Variants in EPC1 observed in about 807,000 individuals in gnomAD.
The protein encoded by EPC1 is enhancer of polycomb homolog 1.
EPC1 carries 12 observed loss-of-function variants against 98.4 expected under a neutral mutation model. That is an observed-to-expected ratio of 0.12 (90% confidence interval 0.08 to 0.20). EPC1 has a LOEUF of 0.20. EPC1 is among the 10% of genes least tolerant of loss of function. The pLI, the probability that EPC1 is intolerant of heterozygous loss-of-function variation, is 1.00. For synonymous variants in EPC1, 357 were observed against 363.9 expected (o/e 0.98, Z 0.21); for missense variants, 729 against 990.5 (o/e 0.74, Z 3.54).
rs575827038 is a variant in EPC1, at chr10:32,322,026, T to G, written c.154-16095A>C. Among the ~76,000 whole-genome samples the G allele has an allele frequency of 4.0e-5, 6 of 149,758 alleles. No individual in the cohort carries two copies. The South Asian group carries it at 8.6e-4, about 21-fold the overall frequency. On this transcript the variant is annotated intron_variant, in intron 1 of 13. Transcript: ENST00000319778. ...TACAGGATTCTCCTTAGAGTACTTC[T>G]ACTTGATTTTAGCTCCTAAGACTTA...
At chr10:32,368,505 C>T (rs898483514) in intron 1 of EPC1, among the ~76,000 whole-genome samples, 1 of 152,210 alleles carries the variant, frequency 6.6e-6, no homozygotes, top group Non-Finnish European at 1.5e-5. Flanking sequence ...CCAGTCAAAA[C>T]TACCTTTTCC....
In EPC1 at chr10:32,269,000, C is replaced by A. The variant is rs561166332; in HGVS notation, c.*63G>T. On this transcript the variant is annotated 3_prime_UTR_variant, in exon 14 of 14. Transcript: ENST00000319778. ...GCTGCTTTCCATCATCCCTTGCATT[C>A]AAAATGCTACTGATGCATAGCACCT... 4 of 1,402,804 alleles carry A rather than the reference C, an allele frequency of 2.9e-6. No individual in the cohort carries two copies. The African/African-American group carries it at 4.3e-5, about 15-fold the overall frequency. The allele number at this position is 1,402,804 out of a possible 1,614,324, so 86.9% of individuals were successfully genotyped here. A position where few individuals can be genotyped will look rare whatever the true frequency, so the allele number is the denominator to read the frequency against.
At chr10:32,357,545 C>CA (rs1281124908) in intron 1 of EPC1, among the ~76,000 whole-genome samples, 5 of 152,238 alleles carry the variant, frequency 3.3e-5, no homozygotes, top group Non-Finnish European at 4.4e-5. Flanking sequence ...ACTGCAGCCT[C>CA]AAACTTCTGG....
intron 1 of EPC1, among the ~76,000 whole-genome samples, chr10:32,324,775 C>T (rs1373691991): frequency 6.6e-6 from 1 of 152,020 alleles, no homozygotes; most frequent in Non-Finnish European, 1.5e-5. Context: ...CGGCGGATCA[C>T]GAGGTCAGGA....
Position 32,346,951 on chromosome 10 carries a change from A to G in EPC1, c.-36T>C. 6.2e-7 allele frequency: 1 copy of G among 1,607,508 alleles called. No individual in the cohort carries two copies. Among genetic ancestry groups the G allele is most frequent in the Non-Finnish European group, 8.5e-7 (1 of 1,179,380 alleles). The stretch of plus-strand genomic sequence containing the variant: ...GCAGATACCTCTCCGCTCTGGGGAA[A>G]CGGCCCCGGCCAGCGGGATCATGGA... On this transcript the variant is annotated 5_prime_UTR_variant, in exon 1 of 14. Coordinates refer to ENST00000319778, the MANE Select transcript of EPC1 (RefSeq NM_001272004.3).
At chr10:32,277,933 C>G (rs1005513113) in intron 10 of EPC1, among the ~76,000 whole-genome samples, 1 of 152,146 alleles carries the variant, frequency 6.6e-6, no homozygotes, top group Non-Finnish European at 1.5e-5. Flanking sequence ...GCAGCTGGAA[C>G]AGCCTATAGT....
At chr10:32,291,025 C>T in intron 6 of EPC1, 138 bp downstream of exon 6, 1 of 707,170 alleles carries the variant, frequency 1.4e-6, no homozygotes, top group South Asian at 1.9e-5. Context: ...GATCTACCCA[C>T]CTCCGTGTCC....
At chr10:32,341,052 T>C (rs746631472) in intron 1 of EPC1, among the ~76,000 whole-genome samples, 63 of 152,334 alleles carry the variant, frequency 4.1e-4, no homozygotes, top group African/African-American at 1.3e-3. Flanking sequence ...ACACGCTCAA[T>C]TCTTTTTATT....
At chr10:32,309,231 C>G (rs1836054952) in intron 1 of EPC1, among the ~76,000 whole-genome samples, 2 of 152,026 alleles carry the variant, frequency 1.3e-5, no homozygotes, top group African/African-American at 4.8e-5. Context: ...AGGATGATGA[C>G]AACCAACAAT....
intron 9 of EPC1, 149 bp downstream of exon 9, chr10:32,286,545 G>A (rs1836688295): frequency 2.1e-6 from 2 of 945,714 alleles, no homozygotes; most frequent in Admixed American, 2.9e-5. Flanking sequence ...AGGCAGCACA[G>A]CAACAAAAAT....
intron 1 of EPC1, among the ~76,000 whole-genome samples, chr10:32,375,260 A>T (rs1396356318): frequency 6.6e-6 from 1 of 152,066 alleles, no homozygotes; most frequent in Non-Finnish European, 1.5e-5. Flanking sequence ...TCTTCTTTTA[A>T]AAAAGTTCAT....
chr10:32,366,981 T>C lies in EPC1; in HGVS notation c.3+11510A>G, dbSNP rs114071554. 9.1e-3 allele frequency among the ~76,000 whole-genome samples: 1,382 copies of C among 152,032 alleles called. 18 individuals are homozygous for C. The highest frequency in any genetic ancestry group is 0.031 in the African/African-American group (1,294 of 41,458). ...ACTAACCATCCAAACTATGTACGTA[T>C]GTATGTATGTATGTATGTATTTTTA... On this transcript the variant is annotated intron_variant, in intron 1 of 13. Coordinates refer to the EPC1 transcript ENST00000375110.
chr10:32,355,825 G>A (rs556220724), intron 1 of EPC1, among the ~76,000 whole-genome samples: 40 of 121,566 alleles, frequency 3.3e-4, no homozygotes, highest in African/African-American at 8.8e-4. Flanking sequence ...TGGCCAGGCT[G>A]GTCTTGAACT....
Position 32,346,301 on chromosome 10 carries a change from C to T in EPC1, c.153+462G>A, listed in dbSNP as rs185147086. Among the ~76,000 whole-genome samples the T allele has an allele frequency of 3.5e-3, 529 of 152,298 alleles. 3 individuals carry two copies. The highest frequency in any genetic ancestry group is 0.012 in the African/African-American group (511 of 41,558). On this transcript the variant is annotated intron_variant, in intron 1 of 13. Transcript: ENST00000319778. ...GTGCACAGAACCTGCGCTCCCGGCC[C>T]GGGCAGCGGCGCGCAGGCCGCAGTG...
At chr10:32,310,282 A>T (rs1836131563) in intron 1 of EPC1, among the ~76,000 whole-genome samples, 4 of 152,296 alleles carry the variant, frequency 2.6e-5, no homozygotes, top group Admixed American at 1.3e-4. Flanking sequence ...TAACTCTATG[A>T]CTTTGGGACT....
At chr10:32,365,958 A>AC (rs1255045229) in intron 1 of EPC1, among the ~76,000 whole-genome samples, 1 of 150,418 alleles carries the variant, frequency 6.6e-6, no homozygotes, top group Non-Finnish European at 1.5e-5. Context: ...ACATGGTGAA[A>AC]CCCCGTCTCT....
At chr10:32,360,499 G>GCC (rs1260495438) in intron 1 of EPC1, among the ~76,000 whole-genome samples, 9 of 152,184 alleles carry the variant, frequency 5.9e-5, no homozygotes, top group African/African-American at 2.2e-4. Context: ...AGTGTAGTGA[G>GCC]ACACAGCAGG....
chr10:32,315,887 C>T (rs1242543005), intron 1 of EPC1, among the ~76,000 whole-genome samples: 1 of 152,144 alleles, frequency 6.6e-6, no homozygotes, highest in African/African-American at 2.4e-5. Context: ...TTCTTCCATT[C>T]AAAATCTTAC....
intron 5 of EPC1, chr10:32,292,258 AG>A: frequency 3.9e-6 from 1 of 258,402 alleles, no homozygotes. Context: ...GGACCAAAAA[AG>A]ACCACTTTGA....
Sources: allele counts gnomAD v4.1 joint callset (sites outside exome capture counted in the v4.1 genomes callset), GRCh38; gene constraint gnomAD v4.1.1; transcripts MANE v1.5; gene names NCBI Gene and HGNC (gene_info 2026-07-23, HGNC 2026-07-21).